The following RMP24 variants were observed in gnomAD, a reference collection of about 807,000 sequenced individuals.
The protein encoded by RMP24 is ribonuclease MRP protein subunit p24.
the RMP24 span, among the ~76,000 whole-genome samples, chr18:35,978,626 T>C: frequency 7.9e-5 from 12 of 152,140 alleles, no homozygotes; most frequent in Admixed American, 1.3e-4. Context: ...AAAAAAATAC[T>C]GAACCATTCA....
the RMP24 span, chr18:35,979,040 G>T: frequency 2.0e-6 from 3 of 1,524,034 alleles, no homozygotes; most frequent in Non-Finnish European, 2.6e-6. Flanking sequence ...AACTAAAGTT[G>T]GTAAAACAAC....
At chr18:35,977,827 G>C in the RMP24 span, among the ~76,000 whole-genome samples, 1 of 152,048 alleles carries the variant, frequency 6.6e-6, no homozygotes, top group Admixed American at 6.5e-5. Context: ...CCTATTTCCA[G>C]CTGCCTGCTA....
chr18:35,972,977 T>G, the RMP24 span: 1 of 1,590,500 alleles, frequency 6.3e-7, no homozygotes. Context: ...CGCACAACGC[T>G]CAAATAAGGC....
the RMP24 span, chr18:35,979,080 C>A: frequency 7.3e-7 from 1 of 1,370,062 alleles, no homozygotes; most frequent in Non-Finnish European, 9.9e-7. Context: ...TTTTTGAATA[C>A]ATGGAAACTA....
the RMP24 span, chr18:35,977,415 C>A: frequency 3.7e-6 from 6 of 1,601,728 alleles, no homozygotes; most frequent in Non-Finnish European, 2.6e-6. Context: ...GGTAGTTGAT[C>A]ACTTGTAAAA....
At chr18:35,972,966 C>A in the RMP24 span, 28 of 1,603,588 alleles carry the variant, frequency 1.7e-5, no homozygotes, top group Non-Finnish European at 2.3e-5. Flanking sequence ...TTCCTCTGTT[C>A]CGCACAACGC....
At chr18:35,973,572 A>G in the RMP24 span, 2 of 152,310 alleles carry the variant, frequency 1.3e-5, no homozygotes, top group Non-Finnish European at 2.9e-5. Flanking sequence ...TTGACTCCCT[A>G]ACTCTCTCTC....
At chr18:35,976,140 T>TC in the RMP24 span, among the ~76,000 whole-genome samples, 1 of 67,354 alleles carries the variant, frequency 1.5e-5, no homozygotes, top group Non-Finnish European at 2.8e-5. Flanking sequence ...TTTTTCTGAT[T>TC]TTTTTTTTTT....
At chr18:35,974,012 C>T in the RMP24 span, 1 of 152,292 alleles carries the variant, frequency 6.6e-6, no homozygotes, top group Admixed American at 6.5e-5. Context: ...ACCTGCATAC[C>T]TCTCTGACGT....
the RMP24 span, chr18:35,979,022 A>G: frequency 2.6e-6 from 4 of 1,548,180 alleles, no homozygotes; most frequent in African/African-American, 5.6e-5. Flanking sequence ...GCCTGATGTC[A>G]ATTCTGAAAC....
chr18:35,973,025 A>C, the RMP24 span: 1 of 1,343,728 alleles, frequency 7.4e-7, no homozygotes, highest in Non-Finnish European at 1.1e-6. Context: ...CAACAACAAC[A>C]AAGCCCGCAT....
the RMP24 span, among the ~76,000 whole-genome samples, chr18:35,975,636 C>T: frequency 0.063 from 9,546 of 152,250 alleles, 310 homozygotes; most frequent in Non-Finnish European, 0.082. Context: ...AATAAAACAA[C>T]CAAAATCAGA....
At chr18:35,973,133 C>A in the RMP24 span, 3 of 618,782 alleles carry the variant, frequency 4.8e-6, no homozygotes, top group East Asian at 8.3e-5. Flanking sequence ...ATAGTTTCCT[C>A]CCTTGGCTTC....
chr18:35,975,974 T>C, the RMP24 span, among the ~76,000 whole-genome samples: 1 of 152,102 alleles, frequency 6.6e-6, no homozygotes, highest in Non-Finnish European at 1.5e-5. Flanking sequence ...AGAATTGTAT[T>C]TTTCAAAAAT....
the RMP24 span, chr18:35,974,983 C>T: frequency 6.2e-7 from 1 of 1,614,088 alleles, no homozygotes. Flanking sequence ...AAACCCAAAG[C>T]CAGGTTGACA....
At chr18:35,972,736 A>C in the RMP24 span, 24 of 1,611,402 alleles carry the variant, frequency 1.5e-5, no homozygotes, top group South Asian at 2.6e-4. Flanking sequence ...GCGATGAGAC[A>C]GAAGCACTAC....
At chr18:35,975,946 C>A in the RMP24 span, among the ~76,000 whole-genome samples, 1 of 152,038 alleles carries the variant, frequency 6.6e-6, no homozygotes, top group Non-Finnish European at 1.5e-5. Context: ...GTATGGAATT[C>A]GGTTTCTTAG....
At chr18:35,976,864 T>C in the RMP24 span, among the ~76,000 whole-genome samples, 1 of 152,252 alleles carries the variant, frequency 6.6e-6, no homozygotes, top group East Asian at 1.9e-4. Flanking sequence ...TAGAGTTCAT[T>C]ATCTTTGAAA....
At chr18:35,975,863 G>T in the RMP24 span, among the ~76,000 whole-genome samples, 1 of 152,182 alleles carries the variant, frequency 6.6e-6, no homozygotes, top group Non-Finnish European at 1.5e-5. Context: ...TGTTGGTCAG[G>T]TAGGTGCATT....
Sources: gnomAD v4.1 joint callset for allele counts (sites outside exome capture counted in the v4.1 genomes callset) on GRCh38, gnomAD v4.1.1 for gene constraint, MANE v1.5 for transcripts, NCBI Gene and HGNC (gene_info 2026-07-23, HGNC 2026-07-21) for gene names.